AJM1: variants seen among roughly 807,000 people sequenced by gnomAD.
The protein encoded by AJM1 is uncharacterized protein C9orf172.
AJM1 carries 22 observed loss-of-function variants against 43.0 expected under a neutral mutation model. The observed-to-expected ratio is 0.51, with a 90% CI of 0.37 to 0.73. The LOEUF is 0.73. AJM1 is among the 30% of genes least tolerant of loss of function. The pLI, the probability that AJM1 is intolerant of heterozygous loss-of-function variation, is 0.00. For missense variants in AJM1, 1,305 were observed against 1,343.3 expected (o/e 0.97, Z 0.45); for synonymous variants, 719 against 638.3 (o/e 1.13, Z -1.91).
chr9:136,846,417 C>A lies in AJM1; in HGVS notation c.2003C>A (p.Ala668Glu), dbSNP rs763958571. Residue 668 changes from alanine to glutamate, a missense_variant, in exon 3 of 3, where the codon GCG (alanine) becomes GAG (glutamate). Physicochemically the swap from Ala to Glu is moderately radical, Grantham distance 107. This residue lies in a region of AJM1 where 391 missense variants were observed against 507.5 expected (regional missense o/e 0.77). Coordinates refer to ENST00000436881, the MANE Select transcript of AJM1 (RefSeq NM_001080482.5). ...GACGACCTGATGACCTGCTCCAATGCGCGCTGCCGGCGCACCGAGACCATG... is the reference window on the plus strand; with the variant it reads ...GACGACCTGATGACCTGCTCCAATGAGCGCTGCCGGCGCACCGAGACCATG... ...DEDDLMTCSNARCRRTETMFN... is the reference protein window; with the variant it reads ...DEDDLMTCSNERCRRTETMFN... 2 of 1,590,616 alleles carry A rather than the reference C, an allele frequency of 1.3e-6. No individual in the cohort carries two copies. Among genetic ancestry groups the A allele is most frequent in the Admixed American group, 1.7e-5 (1 of 59,450 alleles).
Position 136,845,706 on chromosome 9 carries a change from C to A in AJM1, c.1292C>A (p.Thr431Asn). 3 of 1,568,984 alleles carry A rather than the reference C, an allele frequency of 1.9e-6. No individual in the cohort carries two copies. Among genetic ancestry groups the A allele is most frequent in the Non-Finnish European group, 2.6e-6 (3 of 1,166,138 alleles). The change falls in exon 3 of 3, where the codon ACC (threonine) becomes AAC (asparagine). Residue 431 changes from threonine (T) to asparagine (N), a missense_variant. Coordinates refer to ENST00000436881, the MANE Select transcript of AJM1 (RefSeq NM_001080482.5). ...DPLLASWHGG[T>N]GTSPPRLATD... ...TTGCTCGCCTCCTGGCACGGCGGCA[C>A]CGGCACCAGTCCGCCCCGGCTGGCC...
chr9:136,847,567 TC>T lies in AJM1; in HGVS notation c.*224del, dbSNP rs1848797664. ...CCCCGGCCCTTCGTCCCCGTAGTGT[TC>T]CTCACAGGCCCTTCGCCTTCCCACC... is the stretch of plus-strand genomic sequence containing the variant. On this transcript the variant is annotated 3_prime_UTR_variant, in exon 3 of 3. Transcript: ENST00000436881. 1.1e-5 allele frequency: 5 copies of T among 463,196 alleles called. No homozygotes were observed. Among genetic ancestry groups the T allele is most frequent in the Non-Finnish European group, 1.9e-5 (5 of 265,094 alleles). The allele number at this position is 463,196 out of a possible 1,614,324, so 28.7% of individuals were successfully genotyped here.
rs1848743195 is a variant in AJM1 at position 136,844,727 on chromosome 9, C to G, written c.313C>G (p.Pro105Ala). 1.4e-6 allele frequency: 1 copy of G among 716,974 alleles called. No individual in the cohort carries two copies. The highest frequency in any genetic ancestry group is 1.9e-5 in the African/African-American group (1 of 52,108). The allele number at this position is 716,974 out of a possible 1,614,324, so 44.4% of individuals were successfully genotyped here. ...GCCCCGCGCGCCCCCGGGCCTGACG[C>G]CCGCGCCCGCCTCGCCGCCGGTGTT... ...SAPRAPPGLT[P>A]APASPPVLPR... The change falls in exon 3 of 3, where the codon CCC becomes GCC. Residue 105 changes from proline to alanine, a missense_variant. Physicochemically the swap from Pro to Ala is conservative, Grantham distance 27. Transcript: ENST00000436881.
chr9:136,845,510 C>T lies in AJM1; in HGVS notation c.1096C>T (p.Arg366Trp). The T allele has an allele frequency of 1.2e-6, 2 of 1,600,014 alleles. No individual in the cohort carries two copies. The highest frequency in any genetic ancestry group is 1.1e-5 in the South Asian group (1 of 89,448). ...YGPRYVPEEP[R>W]AHSTARPFYT... ...GCCCCGCTATGTCCCCGAGGAGCCC[C>T]GGGCCCACTCCACCGCCCGCCCCTT... is the stretch of plus-strand genomic sequence containing the variant. Residue 366 changes from arginine to tryptophan, a missense_variant, in exon 3 of 3, where the codon CGG becomes TGG. By Grantham distance (101) the Arg-to-Trp change is moderately radical (BLOSUM62 -3). Around this residue, in one of 6 missense-constraint regions of AJM1, gnomAD observed 653 missense variants for 549.1 expected, o/e 1.19. Transcript: ENST00000436881.
At chr9:136,843,881 G>A (rs1008830982) in intron 1 of AJM1, among the ~76,000 whole-genome samples, 1 of 152,198 alleles carries the variant, frequency 6.6e-6, no homozygotes, top group African/African-American at 2.4e-5. Flanking sequence ...TGTGACGGGG[G>A]CGCAGTCACT....
Position 136,846,129 on chromosome 9 carries a change from G to A in AJM1, c.1715G>A (p.Gly572Asp). Residue 572 changes from glycine (G) to aspartate (D), a missense_variant, in exon 3 of 3, where the codon GGC (glycine) becomes GAC (aspartate). Coordinates refer to ENST00000436881, the MANE Select transcript of AJM1 (RefSeq NM_001080482.5). The part of the protein sequence containing the change: ...PHAAPDGPTS[G>D]RQRSLEQLDE... ...GCGGCCCCCGACGGCCCCACCTCTG[G>A]CCGCCAGCGGAGCCTAGAGCAGCTG... The A allele has an allele frequency of 6.5e-7, 1 of 1,529,250 alleles. No homozygotes were observed. Among genetic ancestry groups the A allele is most frequent in the Admixed American group, 2.0e-5 (1 of 50,184 alleles). The allele number at this position is 1,529,250 out of a possible 1,614,324, so 94.7% of individuals were successfully genotyped here.
chr9:136,847,977 G>GCGGTGGGCAGGGCGGA lies in AJM1; in HGVS notation c.*638_*653dup, dbSNP rs1187137438. The GCGGTGGGCAGGGCGGA allele has an allele frequency of 2.0e-5, 3 of 152,304 alleles. No homozygotes were observed. The highest frequency in any genetic ancestry group is 1.9e-4 in the East Asian group (1 of 5,200). 9.4% of individuals were successfully genotyped at this position (152,304 alleles called of 1,614,324 possible). A position where few individuals can be genotyped will look rare whatever the true frequency, so the allele number is the denominator to read the frequency against. On this transcript the variant is annotated 3_prime_UTR_variant, in exon 3 of 3. Coordinates refer to ENST00000436881, the MANE Select transcript of AJM1 (RefSeq NM_001080482.5). ...GTGTGCGCGAGCGCGTCCCGCCGAG[G>GCGGTGGGCAGGGCGGA]CGGTGGGCAGGGCGGACGGTGCGCA...
chr9:136,845,442 C>T lies in AJM1; in HGVS notation c.1028C>T (p.Ser343Phe). 2 of 1,611,702 alleles carry T rather than the reference C, an allele frequency of 1.2e-6. No homozygotes were observed. Among genetic ancestry groups the T allele is most frequent in the Non-Finnish European group, 8.5e-7 (1 of 1,179,550 alleles). The change falls in exon 3 of 3, where the codon TCC becomes TTC. Residue 343 changes from serine (S) to phenylalanine (F), a missense_variant. Transcript: ENST00000436881. ...TFPIQEPPSR[S>F]YYGEAPRAYG... ...CCAATCCAGGAACCGCCCTCCCGCTCCTACTATGGGGAGGCTCCACGAGCC... is the reference window on the plus strand; with the variant it reads ...CCAATCCAGGAACCGCCCTCCCGCTTCTACTATGGGGAGGCTCCACGAGCC...
chr9:136,847,571 C>G lies in AJM1; in HGVS notation c.*226C>G, dbSNP rs1848797750. 1.8e-5 allele frequency: 8 copies of G among 433,080 alleles called. No homozygotes were observed. The South Asian group carries it at 4.4e-4, about 24-fold the overall frequency. 26.8% of individuals were successfully genotyped at this position (433,080 alleles called of 1,614,324 possible). A position where few individuals can be genotyped will look rare whatever the true frequency, so the allele number is the denominator to read the frequency against. On this transcript the variant is annotated 3_prime_UTR_variant, in exon 3 of 3. Coordinates refer to ENST00000436881, the MANE Select transcript of AJM1 (RefSeq NM_001080482.5). ...GGCCCTTCGTCCCCGTAGTGTTCCT[C>G]ACAGGCCCTTCGCCTTCCCACCCCC...
chr9:136,844,057 G>A (rs978427868), intron 1 of AJM1, among the ~76,000 whole-genome samples, 139 bp from the exon 2 acceptor site: 1 of 152,198 alleles, frequency 6.6e-6, no homozygotes, highest in African/African-American at 2.4e-5. Context: ...GGGAGGGGAG[G>A]CCCTGGAGCT....
chr9:136,842,549 G>C lies in AJM1; in HGVS notation c.-184G>C, dbSNP rs1304806802. ...GGGGACACAGAGGAGCCGACCTGGG[G>C]GTGGCACAGCCCACCGGGGCACAGC... On this transcript the variant is annotated 5_prime_UTR_variant, in exon 1 of 3. Transcript: ENST00000436881. Among the ~76,000 whole-genome samples, 1 of 152,190 alleles carries C rather than the reference G, an allele frequency of 6.6e-6. No homozygotes were observed. Among genetic ancestry groups the C allele is most frequent in the Non-Finnish European group, 1.5e-5 (1 of 68,038 alleles).
Position 136,842,921 on chromosome 9 carries a change from C to T in AJM1, c.-144+332C>T, listed in dbSNP as rs914562444. Among the ~76,000 whole-genome samples, 5 of 151,704 alleles carry T rather than the reference C, an allele frequency of 3.3e-5. No homozygotes were observed. In the South Asian group the frequency reaches 8.3e-4, roughly 25 times the overall value. On this transcript the variant is annotated intron_variant, in intron 1 of 2. Transcript: ENST00000436881. ...GGAGCCTCACACCCTGTCATCCGGC[C>T]GGATTCCGGCCTGGCCTTGAGCTTA...
At chr9:136,842,743 G>T (rs1848719782) in intron 1 of AJM1, among the ~76,000 whole-genome samples, 154 bp downstream of exon 1, 1 of 152,196 alleles carries the variant, frequency 6.6e-6, no homozygotes, top group Non-Finnish European at 1.5e-5. Flanking sequence ...GGCAAGGCAA[G>T]GCAGGGCTGG....
Position 136,847,087 on chromosome 9 carries a change from C to T in AJM1, c.2673C>T (p.Gly891=). 2.0e-6 allele frequency: 3 copies of T among 1,489,836 alleles called. No individual in the cohort carries two copies. The highest frequency in any genetic ancestry group is 1.2e-5 in the South Asian group (1 of 81,242). 92.3% of individuals were successfully genotyped at this position (1,489,836 alleles called of 1,614,324 possible). ...GCCTGGATCAGGACGGCGAGGCGGG[C>T]CGGCGCGCGCGCGAGGTGGCCTTCA... ...TAGLDQDGEA[G]RRAREVAFIH... Residue 891 remains glycine, a synonymous_variant, in exon 3 of 3, where the codon GGC becomes GGT. Transcript: ENST00000436881.
intron 1 of AJM1, among the ~76,000 whole-genome samples, 155 bp downstream of exon 1, chr9:136,842,744 G>GCAAGT (rs1208484326): frequency 1.3e-5 from 2 of 152,192 alleles, no homozygotes; most frequent in African/African-American, 4.8e-5. Context: ...GCAAGGCAAG[G>GCAAGT]CAGGGCTGGG....
At position 136,847,233 on chromosome 9, in the gene AJM1, A is replaced by G; in HGVS notation, c.2819A>G (p.Tyr940Cys). 1 of 1,601,344 alleles carries G rather than the reference A, an allele frequency of 6.2e-7. No individual in the cohort carries two copies. The highest frequency in any genetic ancestry group is 8.5e-7 in the Non-Finnish European group (1 of 1,177,666). The stretch of plus-strand genomic sequence containing the variant: ...AGGCGCTTCACGCCCACCACCATCT[A>G]CCCCACGGACCGGCGCACCGGCCGC... ...ANRRFTPTTIYPTDRRTGRPF... is the reference protein window; with the variant it reads ...ANRRFTPTTICPTDRRTGRPF... The change falls in exon 3 of 3, where the codon TAC (tyrosine) becomes TGC (cysteine). Residue 940 changes from tyrosine to cysteine, a missense_variant. By Grantham distance (194) the Tyr-to-Cys change is radical. Transcript: ENST00000436881.
rs1848783926 is a variant in AJM1 at position 136,846,889 on chromosome 9, G to C, written c.2475G>C (p.Ala825=). 1.3e-6 allele frequency: 2 copies of C among 1,528,118 alleles called. No homozygotes were observed. Among genetic ancestry groups the C allele is most frequent in the Non-Finnish European group, 1.7e-6 (2 of 1,146,256 alleles). 94.7% of individuals were successfully genotyped at this position (1,528,118 alleles called of 1,614,324 possible). ...SVSVAVGPGT[A]PPGTPALPAP... Reference sequence around the variant, plus strand: ...CCGTGGCCGTGGGACCCGGCACCGCGCCACCGGGGACACCGGCCCTGCCCG... The same window carrying C: ...CCGTGGCCGTGGGACCCGGCACCGCCCCACCGGGGACACCGGCCCTGCCCG... The change falls in exon 3 of 3, where the codon GCG becomes GCC. Residue 825 remains alanine (A), a synonymous_variant. Coordinates refer to ENST00000436881, the MANE Select transcript of AJM1 (RefSeq NM_001080482.5).
Position 136,846,347 on chromosome 9 carries a change from C to G in AJM1, c.1933C>G (p.Pro645Ala). Residue 645 changes from proline to alanine, a missense_variant, in exon 3 of 3, where the codon CCG (proline) becomes GCG (alanine). Pro to Ala is a conservative substitution (Grantham distance 27). This residue lies in a region of AJM1 where 391 missense variants were observed against 507.5 expected (regional missense o/e 0.77). Coordinates refer to ENST00000436881, the MANE Select transcript of AJM1 (RefSeq NM_001080482.5). ...CGGCAGCGCCGAGGAGCCCGCGGCC[C>G]CGGGAGAGGCGGCCGACGCGTCCCC... The part of the protein sequence containing the change: ...SAGSAEEPAA[P>A]GEAADASPEP... The G allele has an allele frequency of 7.2e-7, 1 of 1,379,528 alleles. No individual in the cohort carries two copies. The highest frequency in any genetic ancestry group is 9.4e-7 in the Non-Finnish European group (1 of 1,064,016). 85.5% of individuals were successfully genotyped at this position (1,379,528 alleles called of 1,614,324 possible).
Position 136,844,945 on chromosome 9 carries a change from C to T in AJM1, c.531C>T (p.Pro177=), listed in dbSNP as rs936782935. The T allele has an allele frequency of 5.5e-4, 250 of 452,668 alleles. No individual in the cohort carries two copies. Among genetic ancestry groups the T allele is most frequent in the Middle Eastern group, 1.1e-3 (2 of 1,746 alleles). 28.0% of individuals were successfully genotyped at this position (452,668 alleles called of 1,614,324 possible). A position where few individuals can be genotyped will look rare whatever the true frequency, so the allele number is the denominator to read the frequency against. ...AAGRCAPPEP[P]AGPAPHVRCR... is the part of the protein sequence containing the mutation. Reference sequence around the variant, plus strand: ...GCCGCTGCGCACCGCCCGAGCCACCCGCGGGTCCCGCCCCCCACGTGCGCT... The same window carrying T: ...GCCGCTGCGCACCGCCCGAGCCACCTGCGGGTCCCGCCCCCCACGTGCGCT... The change falls in exon 3 of 3, where the codon CCC becomes CCT. Residue 177 remains proline, a synonymous_variant. Transcript: ENST00000436881.
Sources: allele counts gnomAD v4.1 joint callset (sites outside exome capture counted in the v4.1 genomes callset), GRCh38; gene constraint gnomAD v4.1.1; regional missense constraint gnomAD v4.1.1; transcripts MANE v1.5; gene names NCBI Gene and HGNC (gene_info 2026-07-23, HGNC 2026-07-21).